ANKS1B: variants seen among roughly 807,000 people sequenced by gnomAD.
The protein encoded by ANKS1B is ankyrin repeat and sterile alpha motif domain-containing protein 1B.
In ANKS1B, 36 loss-of-function variants were observed where a neutral mutation model predicts 148.3. The observed-to-expected ratio is 0.24, with a 90% CI of 0.19 to 0.32. ANKS1B has a LOEUF of 0.32. ANKS1B is among the 10% of genes least tolerant of loss of function. ANKS1B has a pLI of 1.00. For missense variants in ANKS1B, 1,157 were observed against 1,542.6 expected (o/e 0.75, Z 4.19); for synonymous variants, 542 against 560.8 (o/e 0.97, Z 0.47).
intron 12 of ANKS1B, among the ~76,000 whole-genome samples, chr12:99,293,347 G>C (rs1180416620): frequency 6.6e-6 from 1 of 151,236 alleles, no homozygotes; most frequent in East Asian, 1.9e-4. Context: ...ACTGGGGCCT[G>C]TCGGGGGGTG....
At chr12:99,769,086 T>A (rs2062957019) in intron 8 of ANKS1B, among the ~76,000 whole-genome samples, 1 of 152,016 alleles carries the variant, frequency 6.6e-6, no homozygotes, top group Non-Finnish European at 1.5e-5. Flanking sequence ...CAAGAGACTT[T>A]TAGAAGCTCT....
intron 9 of ANKS1B, among the ~76,000 whole-genome samples, chr12:99,584,317 A>T (rs571035584): frequency 6.6e-6 from 1 of 152,310 alleles, no homozygotes; most frequent in Non-Finnish European, 1.5e-5. Context: ...AACATACTAT[A>T]GGCCAGGCAC....
rs574183180 is a variant in ANKS1B at position 99,728,306 on chromosome 12, C to T, written c.1128+44616G>A. 4.0e-4 allele frequency among the ~76,000 whole-genome samples: 61 copies of T among 151,896 alleles called. 1 individual carries two copies. The highest frequency in any genetic ancestry group is 1.2e-3 in the African/African-American group (51 of 41,460). On this transcript the variant is annotated intron_variant, in intron 8 of 26. Coordinates refer to ENST00000683438, the MANE Select transcript of ANKS1B (RefSeq NM_001352186.2). Reference sequence around the variant, plus strand: ...AGAAAAAAAAATCCCCATCAAAAAGCGGGCAAAGGATATGAACAGACACTT... The same window carrying T: ...AGAAAAAAAAATCCCCATCAAAAAGTGGGCAAAGGATATGAACAGACACTT...
chr12:99,197,755 T>G (rs1419685883), intron 14 of ANKS1B, among the ~76,000 whole-genome samples: 2 of 152,184 alleles, frequency 1.3e-5, no homozygotes, highest in Admixed American at 1.3e-4. Flanking sequence ...AAATGGATTT[T>G]TTTTGAAAGC....
At chr12:99,251,407 AAAGAATTTTTTGTGTTTT>A (rs1294501966) in intron 12 of ANKS1B, among the ~76,000 whole-genome samples, 4 of 152,170 alleles carry the variant, frequency 2.6e-5, no homozygotes, top group South Asian at 2.1e-4. Context: ...TATACTTTGG[AAAGAATTTTTTGTGTTTT>A]CTTACCCTTT....
intron 12 of ANKS1B, among the ~76,000 whole-genome samples, chr12:99,295,942 CTTATG>C (rs1376746699): frequency 6.6e-6 from 1 of 152,138 alleles, no homozygotes; most frequent in African/African-American, 2.4e-5. Context: ...AAGTGTTTCT[CTTATG>C]TTTTCTGCTA....
intron 9 of ANKS1B, among the ~76,000 whole-genome samples, chr12:99,589,084 C>A (rs1272917522): frequency 6.6e-6 from 1 of 152,266 alleles, no homozygotes; most frequent in South Asian, 2.1e-4. Flanking sequence ...GCAGTGGGAT[C>A]GAAATGGTTT....
chr12:99,520,460 T>A (rs1446838758), intron 9 of ANKS1B, among the ~76,000 whole-genome samples: 4 of 152,328 alleles, frequency 2.6e-5, no homozygotes, highest in Non-Finnish European at 5.9e-5. Context: ...GAGCTGTTAT[T>A]TGTTATTTGT....
rs141978800 is a variant in ANKS1B, at chr12:99,737,263, C to G, written c.1128+35659G>C. On this transcript the variant is annotated intron_variant, in intron 8 of 26. Coordinates refer to ENST00000683438, the MANE Select transcript of ANKS1B (RefSeq NM_001352186.2). The stretch of plus-strand genomic sequence containing the variant: ...GTGTTTATTACAGCACTATTCACAA[C>G]AGCAAAGACATGGAATCAACTTAAG... 3.1e-3 allele frequency among the ~76,000 whole-genome samples: 473 copies of G among 152,064 alleles called. 3 individuals are homozygous for G. The highest frequency in any genetic ancestry group is 0.01 in the African/African-American group (432 of 41,530).
At position 99,667,537 on chromosome 12, in the gene ANKS1B, A is replaced by C. The variant is rs191291439; in HGVS notation, c.1129-12327T>G. 1.6e-4 allele frequency among the ~76,000 whole-genome samples: 24 copies of C among 152,274 alleles called. No individual in the cohort carries two copies. The East Asian group carries it at 4.6e-3, about 29-fold the overall frequency. On this transcript the variant is annotated intron_variant, in intron 8 of 26. Transcript: ENST00000683438. ...TAAATGATCATATCACCTGTGAATA[A>C]AGAGTTTTACTTTTCTCTTTAAAAT...
At chr12:99,732,562 T>C (rs1032777724) in intron 8 of ANKS1B, among the ~76,000 whole-genome samples, 4 of 152,128 alleles carry the variant, frequency 2.6e-5, no homozygotes, top group Admixed American at 2.0e-4. Flanking sequence ...AGAAAACAAA[T>C]GTGTGGTTGC....
intron 12 of ANKS1B, among the ~76,000 whole-genome samples, chr12:99,315,410 A>AC (rs559946707): frequency 3.0e-4 from 46 of 152,204 alleles, no homozygotes; most frequent in Non-Finnish European, 2.8e-4. Context: ...ACGATTATGA[A>AC]CAGACAGTGC....
chr12:98,975,302 CTCCT>C (rs1489729567), intron 17 of ANKS1B, among the ~76,000 whole-genome samples: 12 of 146,486 alleles, frequency 8.2e-5, no homozygotes, highest in African/African-American at 2.0e-4. Context: ...ACCTCCCTCC[CTCCT>C]TCCTTCTTCC....
rs59605780 is a variant in ANKS1B at position 99,046,574 on chromosome 12, C to T, written c.2778+6583G>A. ...CAGCACTTTGGGAGGCCGAGGCAGG[C>T]GGATCACAAGGTCAGGAGATGGAGA... On this transcript the variant is annotated intron_variant, in intron 17 of 26. Transcript: ENST00000683438. Among the ~76,000 whole-genome samples, 635 of 151,626 alleles carry T rather than the reference C, an allele frequency of 4.2e-3. 24 individuals are homozygous for T. The East Asian group carries it at 0.088, about 21-fold the overall frequency.
chr12:99,145,788 T>A (rs1268122677), intron 15 of ANKS1B, among the ~76,000 whole-genome samples: 3 of 152,116 alleles, frequency 2.0e-5, no homozygotes, highest in Admixed American at 6.6e-5. Context: ...TTTTACTGAA[T>A]TAAGCAGGGA....
intron 9 of ANKS1B, among the ~76,000 whole-genome samples, chr12:99,544,696 G>A (rs527286123): frequency 1.3e-5 from 2 of 152,218 alleles, no homozygotes; most frequent in East Asian, 3.9e-4. Flanking sequence ...AGTGACAAGA[G>A]CAATTGTTCC....
rs575266651 is a variant in ANKS1B, at chr12:98,973,222, A to G, written c.2778+79935T>C. Among the ~76,000 whole-genome samples the G allele has an allele frequency of 1.3e-3, 174 of 136,190 alleles. 2 individuals carry two copies. Among genetic ancestry groups the G allele is most frequent in the African/African-American group, 5.4e-3 (167 of 30,814 alleles). The allele number at this position is 136,190 out of a possible 152,430, so 89.3% of individuals were successfully genotyped here. A position where few individuals can be genotyped will look rare whatever the true frequency, so the allele number is the denominator to read the frequency against. On this transcript the variant is annotated intron_variant, in intron 17 of 26. Transcript: ENST00000683438. The stretch of plus-strand genomic sequence containing the variant: ...TAGACTAAACGAAATGCAAAAAAAA[A>G]AAATAATAAAGAAAATAGACTCACA...
At chr12:99,958,068 G>C (rs1032745834) in intron 1 of ANKS1B, among the ~76,000 whole-genome samples, 1 of 152,162 alleles carries the variant, frequency 6.6e-6, no homozygotes, top group Non-Finnish European at 1.5e-5. Flanking sequence ...GCACCATAGA[G>C]AGAGATCAGG....
chr12:98,757,222 G>A lies in ANKS1B; in HGVS notation c.3580-5700C>T, dbSNP rs112095817. Among the ~76,000 whole-genome samples the A allele has an allele frequency of 3.2e-3, 494 of 152,292 alleles. 4 individuals are homozygous for A. Among genetic ancestry groups the A allele is most frequent in the African/African-American group, 0.01 (427 of 41,560 alleles). On this transcript the variant is annotated intron_variant, in intron 25 of 26. Transcript: ENST00000683438. ...AGACATTGGAGCTCCAGCAGACATC[G>A]CTTGGAGAAGACTCAAGACCCAGAC...
Sources: allele counts gnomAD v4.1 joint callset (sites outside exome capture counted in the v4.1 genomes callset), GRCh38; gene constraint gnomAD v4.1.1; transcripts MANE v1.5; gene names NCBI Gene and HGNC (gene_info 2026-07-23, HGNC 2026-07-21).